Variants in RDH12 observed in about 807,000 individuals in gnomAD.
RDH12 encodes the protein retinol dehydrogenase 12, also known as all-trans and 9-cis retinol dehydrogenase.
A neutral mutation model predicts 34.0 loss-of-function variants in RDH12; 21 were observed. The observed-to-expected ratio is 0.62, with a 90% CI of 0.44 to 0.89. The LOEUF is 0.89. Among genes scored for constraint, RDH12 ranks in the 40% least tolerant of loss-of-function variants. The pLI is 0.00. For missense variants in RDH12, 394 were observed against 398.6 expected (o/e 0.99, Z 0.10); for synonymous variants, 198 against 169.9 (o/e 1.17, Z -1.29).
At chr14:67,715,962 G>A (rs893750627) in intron 1 of RDH12, among the ~76,000 whole-genome samples, 4 of 152,070 alleles carry the variant, frequency 2.6e-5, no homozygotes, top group Non-Finnish European at 2.9e-5. Context: ...TTGGGAGGCC[G>A]AGGCGGGCGG....
intron 1 of RDH12, among the ~76,000 whole-genome samples, chr14:67,708,224 CA>C (rs919691095): frequency 2.0e-5 from 3 of 151,154 alleles, no homozygotes; most frequent in East Asian, 3.9e-4. Context: ...CTCTGAAAAA[CA>C]AAAAAAAGGA....
intron 1 of RDH12, among the ~76,000 whole-genome samples, chr14:67,704,939 A>C (rs368378559): frequency 6.6e-6 from 1 of 152,214 alleles, no homozygotes; most frequent in Non-Finnish European, 1.5e-5. Context: ...CAGGAACACA[A>C]TGGATTTTGT....
chr14:67,718,441 T>C (rs1030101153), intron 1 of RDH12, among the ~76,000 whole-genome samples: 2 of 152,246 alleles, frequency 1.3e-5, no homozygotes, highest in Non-Finnish European at 2.9e-5. Flanking sequence ...AGATGATTTA[T>C]GACCAAAGGT....
chr14:67,722,752 C>G, intron 3 of RDH12, 42 bp downstream of exon 3: 1 of 1,506,870 alleles, frequency 6.6e-7, no homozygotes, highest in Non-Finnish European at 9.2e-7. Flanking sequence ...TTTACAAAGA[C>G]CTGCACTGGA....
chr14:67,733,142 CA>C (rs940637175), intron 8 of RDH12, among the ~76,000 whole-genome samples: 2 of 145,960 alleles, frequency 1.4e-5, no homozygotes, highest in African/African-American at 2.5e-5. Flanking sequence ...TTAAAAAAAA[CA>C]AAAAAAAACA....
intron 1 of RDH12, among the ~76,000 whole-genome samples, chr14:67,713,245 C>G (rs1279690695): frequency 6.8e-6 from 1 of 147,376 alleles, no homozygotes; most frequent in African/African-American, 2.5e-5. Context: ...GCAGGAAAAA[C>G]AAACAAACAA....
rs566344491 is a variant in RDH12 at position 67,722,504 on chromosome 14, T to C, written c.-139T>C. 5.0e-6 allele frequency: 4 copies of C among 793,290 alleles called. No individual in the cohort carries two copies. The highest frequency in any genetic ancestry group is 9.2e-6 in the Non-Finnish European group (4 of 434,002). 49.1% of individuals were successfully genotyped at this position (793,290 alleles called of 1,614,324 possible). A position where few individuals can be genotyped will look rare whatever the true frequency, so the allele number is the denominator to read the frequency against. On this transcript the variant is annotated 5_prime_UTR_variant, in exon 3 of 9. Transcript: ENST00000551171. The stretch of plus-strand genomic sequence containing the variant: ...TGGGCTCTGCTCAGAGTCAGGCTGC[T>C]GCTCAGCACCCAGGACGGAGAGGAG...
chr14:67,708,683 C>G (rs936556781), intron 1 of RDH12, among the ~76,000 whole-genome samples: 3 of 152,052 alleles, frequency 2.0e-5, no homozygotes, highest in African/African-American at 7.3e-5. Context: ...ACAAATACAG[C>G]CCAAAGAAAA....
At chr14:67,719,290 C>T (rs1404977688) in intron 1 of RDH12, among the ~76,000 whole-genome samples, 1 of 152,112 alleles carries the variant, frequency 6.6e-6, no homozygotes, top group Non-Finnish European at 1.5e-5. Flanking sequence ...AGTAACCTGA[C>T]AATTAATAAA....
At chr14:67,715,960 C>G (rs930923010) in intron 1 of RDH12, among the ~76,000 whole-genome samples, 2 of 152,122 alleles carry the variant, frequency 1.3e-5, no homozygotes, top group African/African-American at 2.4e-5. Flanking sequence ...CTTTGGGAGG[C>G]CGAGGCGGGC....
chr14:67,717,094 A>G (rs1654653945), intron 1 of RDH12, among the ~76,000 whole-genome samples: 1 of 149,220 alleles, frequency 6.7e-6, no homozygotes, highest in Non-Finnish European at 1.5e-5. Flanking sequence ...AAACTTCAGC[A>G]TGTATATATA....
rs777401977 is a variant in RDH12, at chr14:67,724,581, C to T, written c.177C>T (p.Leu59=). The T allele has an allele frequency of 7.4e-6, 12 of 1,612,500 alleles. No individual in the cohort carries two copies. Among genetic ancestry groups the T allele is most frequent in the South Asian group, 6.6e-5 (6 of 91,014 alleles). ...TGIGKETARE[L]ASRGARVYIA... ...TTGGCAAGGAGACGGCCAGAGAGCTCGCTAGCCGAGGTAAGTGTTTCCCCT... is the reference window on the plus strand; with the variant it reads ...TTGGCAAGGAGACGGCCAGAGAGCTTGCTAGCCGAGGTAAGTGTTTCCCCT... The change falls in exon 4 of 9, where the codon CTC becomes CTT. Residue 59 remains leucine (L), a synonymous_variant. Coordinates refer to ENST00000551171, the MANE Select transcript of RDH12 (RefSeq NM_152443.3).
intron 1 of RDH12, among the ~76,000 whole-genome samples, chr14:67,720,610 C>G (rs1222088242): frequency 1.3e-5 from 2 of 152,146 alleles, no homozygotes; most frequent in Admixed American, 6.5e-5. Flanking sequence ...GCATTTTCAT[C>G]ATATCTAAAT....
In RDH12 at chr14:67,730,095, G is replaced by C. The variant is rs548928355; in HGVS notation, c.848+715G>C. Among the ~76,000 whole-genome samples, 38 of 152,280 alleles carry C rather than the reference G, an allele frequency of 2.5e-4. 2 individuals carry two copies. Among genetic ancestry groups the C allele is most frequent in the African/African-American group, 9.1e-4 (38 of 41,560 alleles). On this transcript the variant is annotated intron_variant, in intron 8 of 8. Transcript: ENST00000551171. The stretch of plus-strand genomic sequence containing the variant: ...TTGCTTGAGTTTTTATAATGTGTTT[G>C]GTACTCAGTTCTGAGTGTGTAATGT...
At position 67,733,782 on chromosome 14, in the gene RDH12, A is replaced by C; in HGVS notation, c.885A>C (p.Arg295=). 1 of 1,613,508 alleles carries C rather than the reference A, an allele frequency of 6.2e-7. No homozygotes were observed. The highest frequency in any genetic ancestry group is 1.1e-5 in the South Asian group (1 of 91,068). The change falls in exon 9 of 9, where the codon CGA becomes CGC. Residue 295 remains arginine, a synonymous_variant. Transcript: ENST00000551171. ...GGACCTGGGTGTCTCCAAGGGCCCG[A>C]AATAACAAAACAGCTGAGCGCCTAT... ...CKRTWVSPRA[R]NNKTAERLWN...
chr14:67,713,698 G>A lies in RDH12; in HGVS notation c.-274-7150G>A, dbSNP rs184785539. Among the ~76,000 whole-genome samples the A allele has an allele frequency of 4.6e-5, 7 of 152,316 alleles. No individual in the cohort carries two copies. The East Asian group carries it at 9.6e-4, about 21-fold the overall frequency. ...AGTTTATTTTGCCAAGGTTGAGGGC[G>A]CGTACCCAAGACACAGCCTCAGGAG... is the stretch of plus-strand genomic sequence containing the variant. On this transcript the variant is annotated intron_variant, in intron 1 of 8. Coordinates refer to ENST00000551171, the MANE Select transcript of RDH12 (RefSeq NM_152443.3).
intron 1 of RDH12, among the ~76,000 whole-genome samples, chr14:67,709,800 C>G (rs1046002043): frequency 2.0e-5 from 3 of 152,130 alleles, no homozygotes; most frequent in African/African-American, 7.2e-5. Flanking sequence ...AGCCCTGTAA[C>G]TCAATGTCAC....
At chr14:67,729,687 T>A (rs2038242346) in intron 8 of RDH12, 1 of 569,082 alleles carries the variant, frequency 1.8e-6, no homozygotes, top group East Asian at 3.9e-5. Flanking sequence ...TCTGGATCGT[T>A]TTTCTCCTTC....
chr14:67,733,645 T>A, intron 8 of RDH12, 101 bp from the exon 9 acceptor site: 1 of 774,468 alleles, frequency 1.3e-6, no homozygotes, highest in Non-Finnish European at 2.2e-6. Flanking sequence ...TGGCATATAT[T>A]GTATTTTATT....
Sources: gnomAD v4.1 joint callset for allele counts (sites outside exome capture counted in the v4.1 genomes callset) on GRCh38, gnomAD v4.1.1 for gene constraint, MANE v1.5 for transcripts, NCBI Gene and HGNC (gene_info 2026-07-23, HGNC 2026-07-21) for gene names.